CHSY3: variants seen among roughly 807,000 people sequenced by gnomAD.
CHSY3 encodes N-acetylgalactosaminyl-proteoglycan 3-beta-glucuronosyltransferase 3.
CHSY3 carries 35 observed loss-of-function variants against 67.2 expected under a neutral mutation model. The observed-to-expected ratio is 0.52, with a 90% CI of 0.40 to 0.69. CHSY3 has a LOEUF of 0.69. Ranked by LOEUF, CHSY3 falls within the 30% of genes least tolerant of loss-of-function variation. The pLI is 0.00. For synonymous variants in CHSY3, 474 were observed against 434.7 expected, an observed-to-expected ratio of 1.09 and a Z score of -1.12; for missense variants, 1,069 against 1,138.5, an observed-to-expected ratio of 0.94 and a Z score of 0.88.
chr5:130,081,628 G>T (rs1393399409), intron 2 of CHSY3, among the ~76,000 whole-genome samples: 1 of 151,974 alleles, frequency 6.6e-6, no homozygotes, highest in African/African-American at 2.4e-5. Flanking sequence ...AATCATGGGG[G>T]CAGGTTTTCC....
chr5:129,940,740 G>A (rs912238479), intron 2 of CHSY3, among the ~76,000 whole-genome samples: 1 of 151,908 alleles, frequency 6.6e-6, no homozygotes, highest in African/African-American at 2.4e-5. Context: ...ATCTGTGTGA[G>A]AGTATATTCA....
rs180816149 is a variant in CHSY3, at chr5:130,147,273, T to A, written c.1087-36956T>A. 1.8e-4 allele frequency among the ~76,000 whole-genome samples: 27 copies of A among 152,324 alleles called. No homozygotes were observed. In the East Asian group the frequency reaches 4.8e-3, roughly 27 times the overall value. ...TGATATCATTCTTCATGGATACAGA[T>A]GTAGAATTGTGAGCCAAACTCTTTA... On this transcript the variant is annotated intron_variant, in intron 2 of 2. Transcript: ENST00000305031.
intron 2 of CHSY3, among the ~76,000 whole-genome samples, chr5:130,147,950 C>G (rs1769120428): frequency 6.6e-6 from 1 of 152,070 alleles, no homozygotes; most frequent in African/African-American, 2.4e-5. Context: ...TATTTTGTTA[C>G]CCAAGTATTA....
chr5:130,021,529 A>C (rs1474051422), intron 2 of CHSY3, among the ~76,000 whole-genome samples: 1 of 152,144 alleles, frequency 6.6e-6, no homozygotes, highest in Non-Finnish European at 1.5e-5. Flanking sequence ...CTATTTGTTT[A>C]ACCAGTAAAG....
intron 2 of CHSY3, among the ~76,000 whole-genome samples, chr5:129,995,957 C>A (rs2149634391): frequency 6.6e-6 from 1 of 152,136 alleles, no homozygotes; most frequent in East Asian, 1.9e-4. Flanking sequence ...CTCCCTCTCT[C>A]TCTCTGTCTC....
intron 2 of CHSY3, among the ~76,000 whole-genome samples, chr5:130,054,525 A>G (rs1184836083): frequency 6.6e-6 from 1 of 152,144 alleles, no homozygotes; most frequent in African/African-American, 2.4e-5. Context: ...AAATTCCTGC[A>G]CTACCATGTG....
At chr5:129,955,206 C>T (rs1762137388) in intron 2 of CHSY3, among the ~76,000 whole-genome samples, 1 of 152,046 alleles carries the variant, frequency 6.6e-6, no homozygotes, top group African/African-American at 2.4e-5. Context: ...ATAATTTTTA[C>T]ATAATGACTT....
chr5:130,100,736 A>G (rs1225525001), intron 2 of CHSY3, among the ~76,000 whole-genome samples: 1 of 152,222 alleles, frequency 6.6e-6, no homozygotes, highest in African/African-American at 2.4e-5. Flanking sequence ...ATCTTTGTAA[A>G]TGTTACCAGT....
intron 2 of CHSY3, among the ~76,000 whole-genome samples, chr5:130,115,274 T>C (rs551228197): frequency 1.3e-5 from 2 of 152,190 alleles, no homozygotes; most frequent in Admixed American, 1.3e-4. Flanking sequence ...GAGAACATAA[T>C]CATCTTGTGA....
intron 2 of CHSY3, among the ~76,000 whole-genome samples, chr5:130,044,650 T>G (rs1765093206): frequency 6.6e-6 from 1 of 152,012 alleles, no homozygotes; most frequent in South Asian, 2.1e-4. Flanking sequence ...ATGAAAAGGA[T>G]AGAGGAATAT....
At chr5:130,082,169 C>G (rs2149687162) in intron 2 of CHSY3, among the ~76,000 whole-genome samples, 1 of 152,144 alleles carries the variant, frequency 6.6e-6, no homozygotes, top group South Asian at 2.1e-4. Context: ...CAAACCCCAT[C>G]TCCAGTGGGG....
At chr5:129,950,660 A>G (rs1038741586) in intron 2 of CHSY3, among the ~76,000 whole-genome samples, 2 of 152,184 alleles carry the variant, frequency 1.3e-5, no homozygotes, top group African/African-American at 4.8e-5. Flanking sequence ...TAAGAAAATA[A>G]TTCCATTTAT....
At chr5:129,916,936 C>G (rs1252991845) in intron 2 of CHSY3, among the ~76,000 whole-genome samples, 1 of 152,156 alleles carries the variant, frequency 6.6e-6, no homozygotes, top group East Asian at 1.9e-4. Flanking sequence ...ACTTTGGTAC[C>G]TCTCTCAGAA....
intron 2 of CHSY3, among the ~76,000 whole-genome samples, chr5:129,951,591 G>C (rs140824227): frequency 1.6e-3 from 245 of 152,058 alleles, no homozygotes; most frequent in African/African-American, 5.5e-3. Flanking sequence ...TTTCTCCCTG[G>C]TGATTCTGCC....
At chr5:130,073,964 T>G (rs2149683081) in intron 2 of CHSY3, among the ~76,000 whole-genome samples, 1 of 152,320 alleles carries the variant, frequency 6.6e-6, no homozygotes, top group East Asian at 1.9e-4. Context: ...GGCATCAGAC[T>G]ATCTTTGTTT....
At chr5:130,055,645 A>G (rs955016926) in intron 2 of CHSY3, among the ~76,000 whole-genome samples, 8 of 152,112 alleles carry the variant, frequency 5.3e-5, no homozygotes, top group Non-Finnish European at 1.2e-4. Flanking sequence ...AGTAGTATAT[A>G]TATGTCCTCT....
chr5:130,014,282 G>C (rs1319534850), intron 2 of CHSY3, among the ~76,000 whole-genome samples: 1 of 152,024 alleles, frequency 6.6e-6, no homozygotes, highest in Admixed American at 6.6e-5. Context: ...ACATTTTCAG[G>C]TATCTTTACA....
intron 2 of CHSY3, among the ~76,000 whole-genome samples, chr5:130,060,661 C>G (rs892058234): frequency 5.9e-5 from 9 of 152,206 alleles, no homozygotes; most frequent in Admixed American, 1.3e-4. Flanking sequence ...CCTAGAGAAG[C>G]TAAAGACTCC....
At chr5:130,086,104 G>T (rs1766610666) in intron 2 of CHSY3, among the ~76,000 whole-genome samples, 1 of 152,036 alleles carries the variant, frequency 6.6e-6, no homozygotes, top group Non-Finnish European at 1.5e-5. Flanking sequence ...GGGGTGGAGA[G>T]TTCTGTAGAT....
Sources: gnomAD v4.1 joint callset for allele counts (sites outside exome capture counted in the v4.1 genomes callset) on GRCh38, gnomAD v4.1.1 for gene constraint, MANE v1.5 for transcripts, NCBI Gene and HGNC (gene_info 2026-07-23, HGNC 2026-07-21) for gene names.